SCNN1B: variants seen among roughly 807,000 people sequenced by gnomAD.
The protein encoded by SCNN1B is epithelial sodium channel subunit beta.
A neutral mutation model predicts 65.3 loss-of-function variants in SCNN1B; 46 were observed. That is an observed-to-expected ratio of 0.70 (90% CI 0.56 to 0.90). SCNN1B has a LOEUF of 0.90. Ranked by LOEUF, SCNN1B falls within the 40% of genes least tolerant of loss-of-function variation. The pLI is 0.00. For synonymous variants in SCNN1B, 349 were observed against 330.6 expected (o/e 1.06, Z -0.60); for missense variants, 751 against 830.5 (o/e 0.90, Z 1.18).
At chr16:23,330,844 AG>A (rs1161986245) in intron 1 of SCNN1B, among the ~76,000 whole-genome samples, 2 of 152,234 alleles carry the variant, frequency 1.3e-5, no homozygotes, top group Non-Finnish European at 2.9e-5. Flanking sequence ...GGCAGGCATG[AG>A]CCACCATGCC....
intron 11 of SCNN1B, 133 bp from the exon 12 acceptor site, chr16:23,379,961 T>C: frequency 1.3e-6 from 1 of 765,074 alleles, no homozygotes; most frequent in East Asian, 2.5e-5. Flanking sequence ...CACGGGTGTG[T>C]GGGTACATGT....
chr16:23,299,469 C>T (rs1352434690), upstream of SCNN1B, among the ~76,000 whole-genome samples: 2 of 152,210 alleles, frequency 1.3e-5, no homozygotes, highest in Admixed American at 1.3e-4. Flanking sequence ...CCACAGACCC[C>T]TGGGAGGTCC....
intron 1 of SCNN1B, among the ~76,000 whole-genome samples, chr16:23,345,848 G>C (rs532242669): frequency 1.3e-5 from 2 of 152,156 alleles, no homozygotes; most frequent in Non-Finnish European, 2.9e-5. Context: ...AGGGGGTGAG[G>C]GTCCAGCCTG....
At chr16:23,297,735 T>C (rs1961017880), upstream of SCNN1B, among the ~76,000 whole-genome samples, 1 of 152,168 alleles carries the variant, frequency 6.6e-6, no homozygotes, top group Admixed American at 6.5e-5. Flanking sequence ...CTAAGAGGAA[T>C]ACAAAATGCT....
At chr16:23,307,870 C>T (rs1044963119) in intron 1 of SCNN1B, among the ~76,000 whole-genome samples, 1 of 151,984 alleles carries the variant, frequency 6.6e-6, no homozygotes, top group East Asian at 1.9e-4. Flanking sequence ...AGCAACATAG[C>T]AAGACCCTAC....
At chr16:23,366,123 A>G (rs1962664080) in intron 4 of SCNN1B, among the ~76,000 whole-genome samples, 3 of 152,238 alleles carry the variant, frequency 2.0e-5, no homozygotes, top group Non-Finnish European at 4.4e-5. Flanking sequence ...ACAATACTGC[A>G]TGGCAGGTGA....
At chr16:23,312,324 T>C (rs1011528912) in intron 1 of SCNN1B, among the ~76,000 whole-genome samples, 4 of 152,132 alleles carry the variant, frequency 2.6e-5, no homozygotes, top group Non-Finnish European at 4.4e-5. Flanking sequence ...TCTCCTTAGC[T>C]GTACCAGGAC....
intron 4 of SCNN1B, 62 bp from the exon 5 acceptor site, chr16:23,367,794 A>G (rs1962700372): frequency 1.6e-6 from 2 of 1,270,546 alleles, no homozygotes; most frequent in African/African-American, 1.5e-5. Context: ...TGGACGGCAG[A>G]CAGTCGGGGG....
At chr16:23,299,468 C>G (rs559055823), upstream of SCNN1B, among the ~76,000 whole-genome samples, 107 of 152,266 alleles carry the variant, frequency 7.0e-4, 2 homozygotes, top group Middle Eastern at 6.8e-3. Context: ...TCCACAGACC[C>G]CTGGGAGGTC....
At chr16:23,317,296 C>G (rs1242972201) in intron 1 of SCNN1B, among the ~76,000 whole-genome samples, 1 of 152,278 alleles carries the variant, frequency 6.6e-6, no homozygotes. Flanking sequence ...AAGGGAAAAA[C>G]AAACACTCTG....
chr16:23,319,853 C>T lies in SCNN1B; in HGVS notation c.-9+17416C>T, dbSNP rs1004932408. Among the ~76,000 whole-genome samples, 4 of 152,096 alleles carry T rather than the reference C, an allele frequency of 2.6e-5. No homozygotes were observed. In the South Asian group the frequency reaches 8.3e-4, roughly 32 times the overall value. ...CGCAATCTTGGCTCACTGCAACCTC[C>T]GCTTCCTGGGTTCAGACAATTCTCC... On this transcript the variant is annotated intron_variant, in intron 1 of 12. Coordinates refer to ENST00000343070, the MANE Select transcript of SCNN1B (RefSeq NM_000336.3).
chr16:23,329,353 C>T (rs946441682), intron 1 of SCNN1B, among the ~76,000 whole-genome samples: 11 of 151,968 alleles, frequency 7.2e-5, no homozygotes, highest in African/African-American at 2.7e-4. Context: ...TGGGCCCAAG[C>T]GATCCTCCCA....
At chr16:23,306,182 G>A (rs9938498) in intron 1 of SCNN1B, among the ~76,000 whole-genome samples, 9,042 of 151,740 alleles carry the variant, frequency 0.06, 925 homozygotes, top group African/African-American at 0.21. Context: ...GGTGGAGATT[G>A]CGATGAGCCG....
intron 1 of SCNN1B, among the ~76,000 whole-genome samples, chr16:23,281,208 G>C (rs992139976): frequency 6.6e-6 from 1 of 152,190 alleles, no homozygotes; most frequent in Non-Finnish European, 1.5e-5. Flanking sequence ...CAAAGTGGGT[G>C]GTTCATCTTT....
chr16:23,322,229 A>T (rs1740824396), intron 1 of SCNN1B, among the ~76,000 whole-genome samples: 1 of 152,154 alleles, frequency 6.6e-6, no homozygotes, highest in African/African-American at 2.4e-5. Flanking sequence ...CCAGCCATTG[A>T]TCTAGGTCAG....
rs377105517 is a variant in SCNN1B at position 23,346,875 on chromosome 16, C to A, written c.-8-1717C>A. The stretch of plus-strand genomic sequence containing the variant: ...AATCTACCCTCTCCATATTTTCATG[C>A]AGCCAGCCTCCACGACAGCTTTATC... On this transcript the variant is annotated intron_variant, in intron 1 of 12. Coordinates refer to ENST00000343070, the MANE Select transcript of SCNN1B (RefSeq NM_000336.3). Among the ~76,000 whole-genome samples the A allele has an allele frequency of 1.4e-4, 22 of 152,200 alleles. No homozygotes were observed. The South Asian group carries it at 4.6e-3, about 32-fold the overall frequency.
At chr16:23,306,234 A>T (rs1410873703) in intron 1 of SCNN1B, among the ~76,000 whole-genome samples, 4 of 149,840 alleles carry the variant, frequency 2.7e-5, no homozygotes, top group African/African-American at 9.9e-5. Flanking sequence ...CAAGAGTGAA[A>T]CTCTGTCAAA....
chr16:23,363,470 C>T (rs1962591576), intron 4 of SCNN1B, among the ~76,000 whole-genome samples: 5 of 152,198 alleles, frequency 3.3e-5, no homozygotes, highest in African/African-American at 1.2e-4. Flanking sequence ...GCTCCCTCCC[C>T]GGGCTTATGT....
chr16:23,329,967 C>T (rs1380655042), intron 1 of SCNN1B, among the ~76,000 whole-genome samples: 2 of 150,554 alleles, frequency 1.3e-5, no homozygotes, highest in African/African-American at 4.9e-5. Flanking sequence ...TTGGAGGCTG[C>T]GGTGAATTGC....
Sources: gnomAD v4.1 joint callset for allele counts (sites outside exome capture counted in the v4.1 genomes callset) on GRCh38, gnomAD v4.1.1 for gene constraint, MANE v1.5 for transcripts, NCBI Gene and HGNC (gene_info 2026-07-23, HGNC 2026-07-21) for gene names.